COL12A1: variants seen among roughly 807,000 people sequenced by gnomAD.
COL12A1 encodes collagen type XII alpha 1 chain, also known as collagen alpha-1(XII) chain.
Under a neutral mutation model 349.7 loss-of-function variants are expected in COL12A1, and 114 were observed. The ratio of observed to expected loss-of-function variants is 0.33; its 90% CI spans 0.28 to 0.38. The LOEUF is 0.38. Among genes scored for constraint, COL12A1 ranks in the 10% least tolerant of loss-of-function variants. The pLI is 1.00. For synonymous variants in COL12A1, 1,369 were observed against 1,329.0 expected, an observed-to-expected ratio of 1.03 and a Z score of -0.66; for missense variants, 3,284 against 3,756.9, an observed-to-expected ratio of 0.87 and a Z score of 3.29.
chr6:75,126,353 A>T lies in COL12A1; in HGVS notation c.6458T>A (p.Val2153Glu). The stretch of plus-strand genomic sequence containing the variant: ...TGATGACAAAGGCACTTCCTTACCC[A>T]CTGGCTTATATACTATTTTATATCC... The part of the protein sequence containing the change: ...VLGYKIVYKP[V>E]GSNEPMEAFV... The change falls in exon 39 of 66, where the codon GTG (valine) becomes GAG (glutamate). Residue 2153 changes from valine (V) to glutamate (E), a missense_variant and splice_region_variant. By Grantham distance (121) the Val-to-Glu change is moderately radical. Transcript: ENST00000322507. The T allele has an allele frequency of 6.2e-7, 1 of 1,608,258 alleles. No homozygotes were observed. The highest frequency in any genetic ancestry group is 1.1e-5 in the South Asian group (1 of 90,742).
chr6:75,117,724 T>TC, intron 46 of COL12A1, 178 bp from the exon 47 acceptor site: 1 of 569,508 alleles, frequency 1.8e-6, no homozygotes, highest in Admixed American at 3.2e-5. Flanking sequence ...GTCTTTCTAT[T>TC]TTCTGGTCTA....
rs1769039710 is a variant in COL12A1 at position 75,177,756 on chromosome 6, A to G, written c.2344T>C (p.Leu782=). ...ACTTCATATTTCGTGTCTGGAATCAAGTTCTCCAGTGTTCTCCTCCTCTGA... is the reference window on the plus strand; with the variant it reads ...ACTTCATATTTCGTGTCTGGAATCAGGTTCTCCAGTGTTCTCCTCCTCTGA... ...PNQRRRTLEN[L]IPDTKYEVSV... Residue 782 remains leucine, a synonymous_variant, in exon 12 of 66, where the codon TTG becomes CTG. Transcript: ENST00000322507. 1.9e-6 allele frequency: 3 copies of G among 1,614,006 alleles called. No individual in the cohort carries two copies. The East Asian group carries it at 6.7e-5, about 36-fold the overall frequency.
At chr6:75,115,976 C>G (rs1769056939) in intron 48 of COL12A1, 43 bp downstream of exon 48, 2 of 1,612,458 alleles carry the variant, frequency 1.2e-6, no homozygotes, top group Non-Finnish European at 1.7e-6. Flanking sequence ...TATTTTATTG[C>G]TTAAATCTGG....
At chr6:75,095,005 A>G in intron 60 of COL12A1, 103 bp downstream of exon 60, 1 of 1,016,354 alleles carries the variant, frequency 9.8e-7, no homozygotes, top group South Asian at 1.7e-5. Flanking sequence ...TGCTTCAAAC[A>G]CATTACAGCA....
Position 75,165,659 on chromosome 6 carries a change from T to C in COL12A1, c.2831A>G (p.Asp944Gly). 1.2e-6 allele frequency: 2 copies of C among 1,614,008 alleles called. No homozygotes were observed. The highest frequency in any genetic ancestry group is 1.7e-6 in the Non-Finnish European group (2 of 1,179,930). ...ATTTTTCTCTCCAGTGTCAACATCA[T>C]CATAAAGTGATTTCCATGAGACCCT... ...GYRVSWKSLY[D>G]DVDTGEKNLP... is the part of the protein sequence containing the mutation. The change falls in exon 14 of 66, where the codon GAT becomes GGT. Residue 944 changes from aspartate (D) to glycine (G), a missense_variant. By Grantham distance (94) the Asp-to-Gly change is moderately conservative. Around this residue, in one of 2 missense-constraint regions of COL12A1, gnomAD observed 2,601 missense variants for 2,824.8 expected, o/e 0.92. Coordinates refer to ENST00000322507, the MANE Select transcript of COL12A1 (RefSeq NM_004370.6).
intron 29 of COL12A1, 47 bp from the exon 30 acceptor site, chr6:75,138,387 C>T (rs1667075262): frequency 6.2e-7 from 1 of 1,608,162 alleles, no homozygotes; most frequent in Non-Finnish European, 8.5e-7. Context: ...ATAGCTGTAG[C>T]CCTATTTTTT....
chr6:75,103,365 GCAGCCA>G (rs1376757349), intron 55 of COL12A1, among the ~76,000 whole-genome samples: 3 of 149,460 alleles, frequency 2.0e-5, no homozygotes, highest in African/African-American at 5.1e-5. Flanking sequence ...GAGCACATAC[GCAGCCA>G]CTCAGCATTT....
At chr6:75,182,110 A>G (rs1414807594) in intron 10 of COL12A1, among the ~76,000 whole-genome samples, 1 of 151,238 alleles carries the variant, frequency 6.6e-6, no homozygotes, top group African/African-American at 2.4e-5. Context: ...AAAAAAAAAA[A>G]AGAAAAAAAA....
chr6:75,187,296 C>G (rs1031670297), intron 8 of COL12A1, among the ~76,000 whole-genome samples: 1 of 151,054 alleles, frequency 6.6e-6, no homozygotes, highest in East Asian at 1.9e-4. Context: ...AAGAGAGAAG[C>G]CTTAGATTAG....
intron 57 of COL12A1, 53 bp from the exon 58 acceptor site, chr6:75,101,706 G>A: frequency 1.9e-6 from 3 of 1,569,602 alleles, no homozygotes; most frequent in Non-Finnish European, 2.6e-6. Context: ...TCCTGTGTGG[G>A]AGAGAATCTT....
Position 75,085,266 on chromosome 6 carries a change from G to C in COL12A1, c.*1281C>G, listed in dbSNP as rs1767428802. On this transcript the variant is annotated 3_prime_UTR_variant, in exon 66 of 66. Transcript: ENST00000322507. ...AGGAGGCTCCTCTGCAGGCTCGTCTGCGCCGTAGTCCTCGTATTCCGCTGT... is the reference window on the plus strand; with the variant it reads ...AGGAGGCTCCTCTGCAGGCTCGTCTCCGCCGTAGTCCTCGTATTCCGCTGT... 2.1e-6 allele frequency: 1 copy of C among 470,960 alleles called. No homozygotes were observed. Among genetic ancestry groups the C allele is most frequent in the East Asian group, 7.0e-5 (1 of 14,368 alleles). 29.2% of individuals were successfully genotyped at this position (470,960 alleles called of 1,614,324 possible). A position where few individuals can be genotyped will look rare whatever the true frequency, so the allele number is the denominator to read the frequency against.
At chr6:75,106,557 T>C in intron 52 of COL12A1, 61 bp from the exon 53 acceptor site, 1 of 1,468,356 alleles carries the variant, frequency 6.8e-7, no homozygotes, top group South Asian at 1.2e-5. Context: ...ATATTGGCAC[T>C]TCCACATTTT....
chr6:75,156,228 C>T (rs1409969317), intron 15 of COL12A1, 29 bp downstream of exon 15: 1 of 1,608,414 alleles, frequency 6.2e-7, no homozygotes, highest in Non-Finnish European at 8.5e-7. Context: ...ACCTTCTCTC[C>T]CCCTCAAAAT....
At chr6:75,103,968 C>T (rs1223842946) in intron 54 of COL12A1, among the ~76,000 whole-genome samples, 158 bp from the exon 55 acceptor site, 4 of 152,026 alleles carry the variant, frequency 2.6e-5, no homozygotes, top group Admixed American at 1.3e-4. Flanking sequence ...TACAAATATG[C>T]GAGGCAAGAG....
chr6:75,100,032 G>A (rs1212703597), intron 58 of COL12A1, among the ~76,000 whole-genome samples: 1 of 152,078 alleles, frequency 6.6e-6, no homozygotes, highest in African/African-American at 2.4e-5. Context: ...CCTCCTTTTT[G>A]CATTAGTGGT....
chr6:75,109,189 A>G (rs761581506), intron 51 of COL12A1, 22 bp from the exon 52 acceptor site: 48 of 1,524,860 alleles, frequency 3.1e-5, no homozygotes, highest in African/African-American at 1.4e-5. Flanking sequence ...ATTTGTTTCC[A>G]TTATAAAATT....
Position 75,189,782 on chromosome 6 carries a change from A to G in COL12A1, c.428T>C (p.Phe143Ser). Residue 143 changes from phenylalanine (F) to serine (S), a missense_variant, in exon 6 of 66, where the codon TTC becomes TCC. Phe to Ser is a radical substitution (Grantham distance 155). Transcript: ENST00000322507. The part of the protein sequence containing the change: ...CSVSAWTDLV[F>S]LVDGSWSVGR... ...CACACTCCAAGAGCCATCCACGAGG[A>G]AAACCAAATCAGTCCAGGCACTGAC... The G allele has an allele frequency of 6.2e-7, 1 of 1,613,184 alleles. No homozygotes were observed. Among genetic ancestry groups the G allele is most frequent in the Non-Finnish European group, 8.5e-7 (1 of 1,179,314 alleles).
chr6:75,126,516 C>T, intron 38 of COL12A1, 46 bp from the exon 39 acceptor site: 1 of 1,566,948 alleles, frequency 6.4e-7, no homozygotes, highest in South Asian at 1.2e-5. Context: ...TATTGGCACA[C>T]AGGGAGAGCA....
At position 75,133,384 on chromosome 6, in the gene COL12A1, C is replaced by G. The variant is rs1367686327; in HGVS notation, c.5703G>C (p.Arg1901Ser). ...IPGNTNYAIL[R>S]NLQPDTSYTV... Reference sequence around the variant, plus strand: ...TGTATGAGGTATCTGGCTGCAGATTCCTAAGAATGGCATAATTGGTATTCC... The same window carrying G: ...TGTATGAGGTATCTGGCTGCAGATTGCTAAGAATGGCATAATTGGTATTCC... The change falls in exon 34 of 66, where the codon AGG becomes AGC. Residue 1901 changes from arginine to serine, a missense_variant. Arg to Ser is a moderately radical substitution (Grantham distance 110). Coordinates refer to ENST00000322507, the MANE Select transcript of COL12A1 (RefSeq NM_004370.6). The G allele has an allele frequency of 1.2e-6, 2 of 1,612,448 alleles. No individual in the cohort carries two copies. The highest frequency in any genetic ancestry group is 2.7e-5 in the African/African-American group (2 of 74,866).
Sources: allele counts gnomAD v4.1 joint callset (sites outside exome capture counted in the v4.1 genomes callset), GRCh38; gene constraint gnomAD v4.1.1; regional missense constraint gnomAD v4.1.1; transcripts MANE v1.5; gene names NCBI Gene and HGNC (gene_info 2026-07-23, HGNC 2026-07-21).